The following KCNT2 variants were observed in gnomAD, a reference collection of about 807,000 sequenced individuals.
The protein encoded by KCNT2 is potassium channel subfamily T member 2.
KCNT2 carries 67 observed loss-of-function variants against 153.8 expected under a neutral mutation model. The observed-to-expected ratio is 0.44, with a 90% confidence interval of 0.36 to 0.53. The LOEUF is 0.53. Ranked by LOEUF, KCNT2 falls within the 20% of genes least tolerant of loss-of-function variation. KCNT2 has a pLI of 0.00. For synonymous variants in KCNT2, 500 were observed against 458.8 expected (o/e 1.09, Z -1.15); for missense variants, 975 against 1,354.8 (o/e 0.72, Z 4.40).
Position 196,340,586 on chromosome 1 carries a change from AAG to A in KCNT2, c.1554-18_1554-17del, listed in dbSNP as rs1665524426. 2 of 1,459,638 alleles carry A rather than the reference AAG, an allele frequency of 1.4e-6. No individual in the cohort carries two copies. Among genetic ancestry groups the A allele is most frequent in the Non-Finnish European group, 1.9e-6 (2 of 1,076,968 alleles). 90.4% of individuals were successfully genotyped at this position (1,459,638 alleles called of 1,614,324 possible). A position where few individuals can be genotyped will look rare whatever the true frequency, so the allele number is the denominator to read the frequency against. ...GACGCCAAACCTTAATTTAAAAAAA[AAG>A]AGAGTTTGTAAGAAAATTAGTAAAT... On this transcript the variant is annotated splice_polypyrimidine_tract_variant and intron_variant, in intron 15 of 27. Transcript: ENST00000294725.
At position 196,432,074 on chromosome 1, in the gene KCNT2, A is replaced by G. The variant is rs532734858; in HGVS notation, c.639-2317T>C. The stretch of plus-strand genomic sequence containing the variant: ...GGGGCCTCAAGAGTCAGCTTTCTTC[A>G]TTCTGGTGCAGTGCTCTTTGGCTAC... On this transcript the variant is annotated intron_variant, in intron 8 of 27. Transcript: ENST00000294725. 1.9e-4 allele frequency among the ~76,000 whole-genome samples: 29 copies of G among 152,192 alleles called. No individual in the cohort carries two copies. In the South Asian group the frequency reaches 5.8e-3, roughly 30 times the overall value.
chr1:196,442,742 T>C (rs886926480), intron 8 of KCNT2, among the ~76,000 whole-genome samples: 35 of 151,668 alleles, frequency 2.3e-4, no homozygotes, highest in African/African-American at 8.4e-4. Context: ...AATAAAAATG[T>C]GAGATGAGAA....
intron 8 of KCNT2, among the ~76,000 whole-genome samples, chr1:196,435,346 T>G (rs1269650622): frequency 4.0e-5 from 6 of 150,420 alleles, no homozygotes; most frequent in African/African-American, 1.2e-4. Context: ...GTAACTAGTA[T>G]TTATAACTCC....
chr1:196,492,785 G>A (rs1001410262), intron 1 of KCNT2, among the ~76,000 whole-genome samples: 2 of 152,090 alleles, frequency 1.3e-5, no homozygotes, highest in African/African-American at 4.8e-5. Flanking sequence ...CACCGTGCCA[G>A]ATCTACTTAT....
At position 196,423,103 on chromosome 1, in the gene KCNT2, C is replaced by A; in HGVS notation, c.1132G>T (p.Ala378Ser). The A allele has an allele frequency of 6.3e-7, 1 of 1,598,962 alleles. No individual in the cohort carries two copies. Among genetic ancestry groups the A allele is most frequent in the South Asian group, 1.1e-5 (1 of 89,432 alleles). ...CTACTGAGAATAAAACAGGCCTCAGCGTCATCCATCCTAAATACAGATGGA... is the reference window on the plus strand; with the variant it reads ...CTACTGAGAATAAAACAGGCCTCAGAGTCATCCATCCTAAATACAGATGGA... ...QDLLRAKMDD[A>S]EACFILSSRC... The change falls in exon 12 of 28, where the codon GCT (alanine) becomes TCT (serine). Residue 378 changes from alanine to serine, a missense_variant. Physicochemically the swap from Ala to Ser is moderately conservative, Grantham distance 99. Coordinates refer to ENST00000294725, the MANE Select transcript of KCNT2 (RefSeq NM_198503.5).
intron 21 of KCNT2, among the ~76,000 whole-genome samples, chr1:196,305,760 T>G (rs553441064): frequency 6.6e-6 from 1 of 152,298 alleles, no homozygotes; most frequent in South Asian, 2.1e-4. Flanking sequence ...GTGAGCTCTT[T>G]CATGTCCTAT....
intron 1 of KCNT2, among the ~76,000 whole-genome samples, chr1:196,541,703 A>G (rs1487379377): frequency 6.6e-6 from 1 of 152,132 alleles, no homozygotes; most frequent in East Asian, 1.9e-4. Context: ...AATGTGTTAC[A>G]CTTGAGTGTC....
At chr1:196,526,073 G>A (rs1654156016) in intron 1 of KCNT2, among the ~76,000 whole-genome samples, 1 of 150,150 alleles carries the variant, frequency 6.7e-6, no homozygotes, top group Admixed American at 6.7e-5. Context: ...GCACACTGAG[G>A]GGTACGCAAA....
At chr1:196,472,568 A>G (rs1050659774) in intron 5 of KCNT2, among the ~76,000 whole-genome samples, 8 of 152,196 alleles carry the variant, frequency 5.3e-5, no homozygotes, top group African/African-American at 1.9e-4. Context: ...TCTGACTCAG[A>G]TCAACTGCTT....
chr1:196,592,755 A>T (rs1663536326), intron 1 of KCNT2, among the ~76,000 whole-genome samples: 1 of 147,798 alleles, frequency 6.8e-6, no homozygotes, highest in Admixed American at 6.8e-5. Context: ...AGAAAGAATG[A>T]ATAAGACCTA....
chr1:196,235,168 T>G (rs951769616), intron 27 of KCNT2, among the ~76,000 whole-genome samples: 2 of 151,404 alleles, frequency 1.3e-5, no homozygotes, highest in African/African-American at 4.8e-5. Context: ...AAATGCTAAC[T>G]ATACACAATT....
At chr1:196,466,129 A>G (rs1287650662) in intron 7 of KCNT2, among the ~76,000 whole-genome samples, 1 of 152,114 alleles carries the variant, frequency 6.6e-6, no homozygotes, top group Non-Finnish European at 1.5e-5. Flanking sequence ...ATAAATTAAT[A>G]TTGCAAAACA....
intron 14 of KCNT2, among the ~76,000 whole-genome samples, chr1:196,347,938 A>T (rs1490151928): frequency 2.0e-5 from 3 of 152,134 alleles, no homozygotes; most frequent in Non-Finnish European, 4.4e-5. Flanking sequence ...TTAATTCTTA[A>T]TATCTTGCTT....
At chr1:196,288,349 T>C (rs1659871460) in intron 22 of KCNT2, among the ~76,000 whole-genome samples, 2 of 151,888 alleles carry the variant, frequency 1.3e-5, no homozygotes, top group Non-Finnish European at 2.9e-5. Context: ...TAAGTTGAGA[T>C]TGTCTAAGAA....
chr1:196,317,292 C>G (rs564064175), intron 20 of KCNT2: 8 of 451,770 alleles, frequency 1.8e-5, no homozygotes, highest in African/African-American at 1.6e-4. Context: ...AATGTTATTC[C>G]AAATAAATTT....
chr1:196,518,255 T>G (rs1394606710), intron 1 of KCNT2, among the ~76,000 whole-genome samples: 1 of 151,894 alleles, frequency 6.6e-6, no homozygotes, highest in Non-Finnish European at 1.5e-5. Context: ...AGAATAGACA[T>G]CGAAAGAAGC....
chr1:196,366,466 G>C (rs938430693), intron 14 of KCNT2, among the ~76,000 whole-genome samples: 6 of 151,980 alleles, frequency 3.9e-5, no homozygotes, highest in African/African-American at 1.4e-4. Flanking sequence ...GCTTTTGCTT[G>C]TCTTCTTGAT....
At chr1:196,347,347 T>G (rs1341020740) in intron 14 of KCNT2, among the ~76,000 whole-genome samples, 1 of 152,206 alleles carries the variant, frequency 6.6e-6, no homozygotes, top group Non-Finnish European at 1.5e-5. Flanking sequence ...TGATTTTGAA[T>G]GAGGGAGAAA....
At chr1:196,342,798 C>G (rs957209374) in intron 14 of KCNT2, among the ~76,000 whole-genome samples, 1 of 151,936 alleles carries the variant, frequency 6.6e-6, no homozygotes, top group African/African-American at 2.4e-5. Context: ...GTATAGCAGT[C>G]ACGAAAAGAC....
Sources: gnomAD v4.1 joint callset for allele counts (sites outside exome capture counted in the v4.1 genomes callset) on GRCh38, gnomAD v4.1.1 for gene constraint, MANE v1.5 for transcripts, NCBI Gene and HGNC (gene_info 2026-07-23, HGNC 2026-07-21) for gene names.